MYO16: variants seen among roughly 807,000 people sequenced by gnomAD.
The protein encoded by MYO16 is myosin XVI, also known as unconventional myosin-XVI.
A neutral mutation model predicts 205.3 loss-of-function variants in MYO16; 94 were observed. The observed-to-expected ratio is 0.46, with a 90% CI of 0.39 to 0.54. MYO16 has a LOEUF of 0.54. Among genes scored for constraint, MYO16 ranks in the 20% least tolerant of loss-of-function variants. MYO16 has a pLI of 0.00. For synonymous variants in MYO16, 988 were observed against 954.0 expected, an observed-to-expected ratio of 1.04 and a Z score of -0.66; for missense variants, 2,315 against 2,387.5, an observed-to-expected ratio of 0.97 and a Z score of 0.63.
In MYO16 at chr13:109,141,260, G is replaced by A. The variant is rs1459256566; in HGVS notation, c.5048G>A (p.Ser1683Asn). The change falls in exon 32 of 35, where the codon AGC becomes AAC. Residue 1683 changes from serine to asparagine, a missense_variant. Around this residue, in one of 3 missense-constraint regions of MYO16, gnomAD observed 1,097 missense variants for 1,092.0 expected, o/e 1.00. Coordinates refer to ENST00000457511, the MANE Select transcript of MYO16 (RefSeq NM_001198950.3). This position sits in a 1 kb window ranked among gnomAD's most constrained non-coding sequence, Gnocchi z 4.1. ...GSSASPPAPY[S>N]PPSSRPLSSP... is the part of the protein sequence containing the mutation. ...AGTGCCTCGCCCCCCGCGCCCTACA[G>A]CCCTCCCAGCTCCAGGCCTCTCAGC... 6.2e-7 allele frequency: 1 copy of A among 1,604,804 alleles called. No individual in the cohort carries two copies. Among genetic ancestry groups the A allele is most frequent in the South Asian group, 1.1e-5 (1 of 90,376 alleles).
chr13:108,968,299 T>C (rs1344131676), intron 20 of MYO16, among the ~76,000 whole-genome samples: 1 of 152,066 alleles, frequency 6.6e-6, no homozygotes, highest in Non-Finnish European at 1.5e-5. Context: ...GATTCTTAAT[T>C]GATTGAGGAA....
Position 109,125,388 on chromosome 13 carries a change from A to C in MYO16, c.3782+30A>C. ...AGGCAGAGAGCATGCAATTTTAATTACCTTTGTGATTGGTTCAGTGGAGTC... is the reference window on the plus strand; with the variant it reads ...AGGCAGAGAGCATGCAATTTTAATTCCCTTTGTGATTGGTTCAGTGGAGTC... On this transcript the variant is annotated intron_variant, in intron 30 of 34. Transcript: ENST00000457511. This position sits in a 1 kb window ranked among gnomAD's most constrained non-coding sequence, Gnocchi z 4.0. The C allele has an allele frequency of 6.2e-7, 1 of 1,611,720 alleles. No individual in the cohort carries two copies. Among genetic ancestry groups the C allele is most frequent in the Non-Finnish European group, 8.5e-7 (1 of 1,178,664 alleles).
intron 3 of MYO16, among the ~76,000 whole-genome samples, chr13:108,722,237 T>C (rs1340210396): frequency 6.6e-6 from 1 of 152,196 alleles, no homozygotes; most frequent in Non-Finnish European, 1.5e-5. Context: ...TTCAGTCACT[T>C]TCTTGGTGCC....
intron 2 of MYO16, among the ~76,000 whole-genome samples, chr13:108,704,654 G>A (rs78528925): frequency 0.01 from 1,578 of 152,060 alleles, 26 homozygotes; most frequent in African/African-American, 0.037. Context: ...AATGGTACAC[G>A]TTTTACAATT....
At chr13:108,759,389 A>C (rs1885522370) in intron 4 of MYO16, among the ~76,000 whole-genome samples, 1 of 152,164 alleles carries the variant, frequency 6.6e-6, no homozygotes, top group South Asian at 2.1e-4. Flanking sequence ...TCTTGTTGGC[A>C]TGTGTTATTA....
Position 109,087,489 on chromosome 13 carries a change from T to C in MYO16, c.3336-13296T>C, listed in dbSNP as rs191334468. Among the ~76,000 whole-genome samples, 945 of 152,180 alleles carry C rather than the reference T, an allele frequency of 6.2e-3. 8 individuals carry two copies. Among genetic ancestry groups the C allele is most frequent in the African/African-American group, 0.022 (898 of 41,516 alleles). On this transcript the variant is annotated intron_variant, in intron 27 of 34. Transcript: ENST00000457511. ...GATGAAACCCTGTCTCTACTAAAAA[T>C]ACAAAAATTAGCTGGGCGTAGTGGC...
intron 3 of MYO16, among the ~76,000 whole-genome samples, chr13:108,718,063 G>A (rs1218625716): frequency 6.6e-6 from 1 of 152,082 alleles, no homozygotes; most frequent in African/African-American, 2.4e-5. Flanking sequence ...TTCTCTAAAG[G>A]CTTGCATGCT....
At chr13:108,670,105 A>T (rs940031430) in intron 2 of MYO16, among the ~76,000 whole-genome samples, 1 of 152,174 alleles carries the variant, frequency 6.6e-6, no homozygotes, top group African/African-American at 2.4e-5. Context: ...AATAAAATAA[A>T]AATAATTCAT....
the MYO16 span, among the ~76,000 whole-genome samples, chr13:108,525,440 C>T: frequency 1.3e-5 from 2 of 152,240 alleles, no homozygotes; most frequent in East Asian, 3.9e-4. Flanking sequence ...GGGGAGGTTG[C>T]TGTGTTTTAT....
At chr13:108,580,206 C>T in the MYO16 span, among the ~76,000 whole-genome samples, 16 of 152,276 alleles carry the variant, frequency 1.1e-4, no homozygotes, top group East Asian at 2.7e-3. Context: ...CCTGGATAAA[C>T]ATTTTCCTAT....
chr13:108,674,215 G>C (rs1013339380), intron 2 of MYO16, among the ~76,000 whole-genome samples: 1 of 152,070 alleles, frequency 6.6e-6, no homozygotes, highest in African/African-American at 2.4e-5. Flanking sequence ...TGCCTTAAGT[G>C]TTTTACACAT....
chr13:108,580,012 TTGAC>T, the MYO16 span, among the ~76,000 whole-genome samples: 1 of 152,346 alleles, frequency 6.6e-6, no homozygotes, highest in Middle Eastern at 3.4e-3. Context: ...CATTGACTAA[TTGAC>T]TGCATTTTCC....
chr13:108,922,194 C>G (rs1220810090), intron 16 of MYO16, among the ~76,000 whole-genome samples: 1 of 152,084 alleles, frequency 6.6e-6, no homozygotes, highest in Admixed American at 6.5e-5. Context: ...GATTTAAAAC[C>G]TAATGATGAA....
At chr13:108,663,282 A>G (rs1419133551) in intron 1 of MYO16, among the ~76,000 whole-genome samples, 5 of 151,122 alleles carry the variant, frequency 3.3e-5, no homozygotes, top group Admixed American at 3.3e-4. Flanking sequence ...GATCCCCTGA[A>G]TCCCTGTGTT....
At chr13:108,595,770 C>T (rs982777689), upstream of MYO16, among the ~76,000 whole-genome samples, 2 of 151,208 alleles carry the variant, frequency 1.3e-5, no homozygotes, top group African/African-American at 4.9e-5. Flanking sequence ...AAACCTTTAA[C>T]TTTTTTTATT....
chr13:108,520,354 G>A, the MYO16 span, among the ~76,000 whole-genome samples: 1 of 152,094 alleles, frequency 6.6e-6, no homozygotes, highest in African/African-American at 2.4e-5. Flanking sequence ...AACTGAAATG[G>A]CAATGAAACC....
At chr13:108,575,493 C>T in the MYO16 span, among the ~76,000 whole-genome samples, 1 of 152,132 alleles carries the variant, frequency 6.6e-6, no homozygotes, top group African/African-American at 2.4e-5. Flanking sequence ...CACCCATTAA[C>T]TGTGTGAAAT....
At position 109,036,584 on chromosome 13, in the gene MYO16, C is replaced by A. The variant is rs560711343; in HGVS notation, c.2797-10332C>A. Among the ~76,000 whole-genome samples the A allele has an allele frequency of 2.6e-3, 397 of 152,240 alleles. 3 individuals carry two copies. Among genetic ancestry groups the A allele is most frequent in the African/African-American group, 9.2e-3 (382 of 41,546 alleles). On this transcript the variant is annotated intron_variant, in intron 23 of 34. Coordinates refer to ENST00000457511, the MANE Select transcript of MYO16 (RefSeq NM_001198950.3). The stretch of plus-strand genomic sequence containing the variant: ...CACACTGGAGCATTTAAATGAGGAT[C>A]GCTAACTGCCGCAGCATAAGCAAAA...
the MYO16 span, among the ~76,000 whole-genome samples, chr13:108,505,986 A>T: frequency 1.3e-5 from 2 of 152,194 alleles, no homozygotes; most frequent in Admixed American, 1.3e-4. Context: ...ACAAGAATTT[A>T]TTCTGGGCTC....
Sources: allele counts gnomAD v4.1 joint callset (sites outside exome capture counted in the v4.1 genomes callset), GRCh38; gene constraint gnomAD v4.1.1; regional missense constraint gnomAD v4.1.1; non-coding constraint Gnocchi (gnomAD v3.1); transcripts MANE v1.5; gene names NCBI Gene and HGNC (gene_info 2026-07-23, HGNC 2026-07-21).